IQGAP2: variants seen among roughly 807,000 people sequenced by gnomAD.
The protein encoded by IQGAP2 is IQ motif containing GTPase activating protein 2, also known as ras GTPase-activating-like protein IQGAP2.
A neutral mutation model predicts 201.3 loss-of-function variants in IQGAP2; 173 were observed. That is an observed-to-expected ratio of 0.86 (90% CI 0.76 to 0.98). The LOEUF is 0.98. Ranked by LOEUF, IQGAP2 falls within the 50% of genes least tolerant of loss-of-function variation. IQGAP2 has a pLI of 0.00. For synonymous variants in IQGAP2, 675 were observed against 673.9 expected, an observed-to-expected ratio of 1.00 and a Z score of -0.03; for missense variants, 1,687 against 1,864.8, an observed-to-expected ratio of 0.90 and a Z score of 1.76.
intron 1 of IQGAP2, among the ~76,000 whole-genome samples, chr5:76,410,071 G>A (rs762231561): frequency 1.1e-4 from 17 of 152,218 alleles, no homozygotes; most frequent in Non-Finnish European, 1.9e-4. Flanking sequence ...GCAAAGTATC[G>A]TGATGAATGA....
At chr5:76,512,802 A>G (rs963021357) in intron 2 of IQGAP2, among the ~76,000 whole-genome samples, 2 of 152,258 alleles carry the variant, frequency 1.3e-5, no homozygotes, top group South Asian at 4.1e-4. Context: ...CACGCCTGTA[A>G]TCCCAGCACT....
At chr5:76,685,663 A>G (rs114915353) in intron 30 of IQGAP2, among the ~76,000 whole-genome samples, 2,653 of 151,586 alleles carry the variant, frequency 0.018, 67 homozygotes, top group African/African-American at 0.061. Flanking sequence ...CTTACCCATT[A>G]CCCAGCCTCT....
intron 2 of IQGAP2, among the ~76,000 whole-genome samples, chr5:76,539,185 A>G (rs548196717): frequency 4.0e-4 from 61 of 152,278 alleles, no homozygotes; most frequent in African/African-American, 1.4e-3. Flanking sequence ...ACACTCCTTC[A>G]AAAGGAACTG....
intron 16 of IQGAP2, among the ~76,000 whole-genome samples, 190 bp from the exon 17 acceptor site, chr5:76,640,743 G>A (rs913269874): frequency 6.6e-6 from 1 of 152,196 alleles, no homozygotes; most frequent in Admixed American, 6.5e-5. Context: ...CAAGCTCAGA[G>A]ATTCCAAAAT....
chr5:76,428,408 C>T (rs897431673), intron 1 of IQGAP2, among the ~76,000 whole-genome samples: 12 of 150,646 alleles, frequency 8.0e-5, no homozygotes, highest in Admixed American at 3.3e-4. Flanking sequence ...CACTGTTCTG[C>T]GCCAGGAGTT....
intron 1 of IQGAP2, among the ~76,000 whole-genome samples, chr5:76,460,860 CTTTTTTTTTTTTT>C (rs61258350): frequency 8.8e-6 from 1 of 113,540 alleles, no homozygotes; most frequent in African/African-American, 3.7e-5. Context: ...TTGCACACTG[CTTTTTTTTTTTTT>C]TTTTTTTTTT....
chr5:76,606,516 A>G lies in IQGAP2; in HGVS notation c.1357+213A>G, dbSNP rs534148279. On this transcript the variant is annotated intron_variant, in intron 12 of 35. Coordinates refer to ENST00000274364, the MANE Select transcript of IQGAP2 (RefSeq NM_006633.5). ...TTACAAAGCCTACACAAGAATTCATAATATAATAAAATACACAAGTAAAAG... is the reference window on the plus strand; with the variant it reads ...TTACAAAGCCTACACAAGAATTCATGATATAATAAAATACACAAGTAAAAG... The G allele has an allele frequency of 2.6e-5, 8 of 308,448 alleles. No homozygotes were observed. In the South Asian group the frequency reaches 4.7e-4, roughly 18 times the overall value. 19.1% of individuals were successfully genotyped at this position (308,448 alleles called of 1,614,324 possible).
At chr5:76,620,380 T>G (rs771220673) in intron 13 of IQGAP2, among the ~76,000 whole-genome samples, 1 of 152,044 alleles carries the variant, frequency 6.6e-6, no homozygotes, top group Admixed American at 6.6e-5. Flanking sequence ...TGATTGGCTT[T>G]GGGGTGCAGT....
intron 32 of IQGAP2, among the ~76,000 whole-genome samples, 192 bp downstream of exon 32, chr5:76,695,858 T>TTTTTG (rs1746685512): frequency 6.7e-6 from 1 of 148,160 alleles, no homozygotes; most frequent in African/African-American, 2.5e-5. Context: ...TTTTTTTTTT[T>TTTTTG]GAGTTGGAGC....
chr5:76,506,092 T>A (rs1757593416), intron 2 of IQGAP2, among the ~76,000 whole-genome samples: 1 of 152,210 alleles, frequency 6.6e-6, no homozygotes. Context: ...AATGGGCAGA[T>A]GAACTAGTGT....
At chr5:76,494,276 G>GA (rs1209163693) in intron 2 of IQGAP2, among the ~76,000 whole-genome samples, 1 of 152,104 alleles carries the variant, frequency 6.6e-6, no homozygotes. Flanking sequence ...AATTAGAAAA[G>GA]AAAATTTGAA....
At chr5:76,456,234 A>G (rs548193577) in intron 1 of IQGAP2, among the ~76,000 whole-genome samples, 4 of 152,314 alleles carry the variant, frequency 2.6e-5, no homozygotes, top group African/African-American at 9.6e-5. Context: ...TGATGAAGCC[A>G]TGTTTTTAAC....
chr5:76,510,584 C>T, intron 2 of IQGAP2: 1 of 484,232 alleles, frequency 2.1e-6, no homozygotes, highest in Admixed American at 2.3e-5. Flanking sequence ...CTGGAAGGAC[C>T]CAGACAGTGT....
At chr5:76,460,029 G>A (rs747991841) in intron 1 of IQGAP2, among the ~76,000 whole-genome samples, 8 of 152,158 alleles carry the variant, frequency 5.3e-5, no homozygotes, top group African/African-American at 1.4e-4. Context: ...TTCTGTACGC[G>A]CAGAGTGCTA....
chr5:76,589,852 A>G (rs573678753), intron 7 of IQGAP2, 124 bp downstream of exon 7: 71 of 495,708 alleles, frequency 1.4e-4, no homozygotes, highest in Middle Eastern at 1.0e-3. Flanking sequence ...AGTTTTTATT[A>G]TTTGTTTTAT....
intron 2 of IQGAP2, among the ~76,000 whole-genome samples, chr5:76,504,207 C>T (rs1192171285): frequency 6.6e-6 from 1 of 152,118 alleles, no homozygotes; most frequent in Non-Finnish European, 1.5e-5. Context: ...TACTCTGCAC[C>T]TTGCATCTCT....
chr5:76,487,039 A>G (rs1436063281), intron 2 of IQGAP2, among the ~76,000 whole-genome samples: 7 of 151,918 alleles, frequency 4.6e-5, no homozygotes, highest in Non-Finnish European at 8.8e-5. Context: ...AATGTAATAT[A>G]TAATAGTGAC....
At chr5:76,703,904 C>G (rs1455353751) in intron 35 of IQGAP2, among the ~76,000 whole-genome samples, 1 of 152,184 alleles carries the variant, frequency 6.6e-6, no homozygotes, top group Non-Finnish European at 1.5e-5. Flanking sequence ...ACTGTCTGTG[C>G]AGCCCAGGGC....
At chr5:76,496,757 C>CTTTCT (rs1561416479) in intron 2 of IQGAP2, among the ~76,000 whole-genome samples, 4,170 of 79,098 alleles carry the variant, frequency 0.053, 195 homozygotes, top group Admixed American at 0.057. Flanking sequence ...TTCTTTCTTT[C>CTTTCT]TTTCTTTCTT....
Sources: allele counts gnomAD v4.1 joint callset (sites outside exome capture counted in the v4.1 genomes callset), GRCh38; gene constraint gnomAD v4.1.1; transcripts MANE v1.5; gene names NCBI Gene and HGNC (gene_info 2026-07-23, HGNC 2026-07-21).